Variants in PLXNA1 observed in about 807,000 individuals in gnomAD.
PLXNA1 encodes plexin-A1.
A neutral mutation model predicts 191.7 loss-of-function variants in PLXNA1; 77 were observed. That is an observed-to-expected ratio of 0.40 (90% CI 0.33 to 0.49). The LOEUF (loss-of-function observed/expected upper bound fraction) is 0.49, where lower values mean the gene tolerates loss of function less well. Ranked by LOEUF, PLXNA1 falls within the 20% of genes least tolerant of loss-of-function variation. The pLI is 0.63. For synonymous variants in PLXNA1, 1,137 were observed against 1,156.4 expected, an observed-to-expected ratio of 0.98 and a Z score of 0.34; for missense variants, 2,110 against 2,660.2, an observed-to-expected ratio of 0.79 and a Z score of 4.55.
At chr3:127,007,759 T>C in intron 8 of PLXNA1, 40 bp from the exon 9 acceptor site, 1 of 1,361,442 alleles carries the variant, frequency 7.3e-7, no homozygotes, top group Non-Finnish European at 1.0e-6. Context: ...TCCACGTGGT[T>C]GCGGGTCCCC....
chr3:127,009,998 G>A (rs951814865), intron 9 of PLXNA1, among the ~76,000 whole-genome samples: 15 of 152,222 alleles, frequency 9.9e-5, no homozygotes, highest in Admixed American at 1.3e-4. Context: ...TGCATGCCCC[G>A]CCAGTCAGCT....
At chr3:127,011,867 C>T in intron 9 of PLXNA1, 91 bp from the exon 10 acceptor site, 2 of 1,240,564 alleles carry the variant, frequency 1.6e-6, no homozygotes, top group Non-Finnish European at 2.3e-6. Flanking sequence ...CTGGGAGCAC[C>T]ACAGGCCCAG....
At chr3:127,017,689 G>T in intron 18 of PLXNA1, 25 bp downstream of exon 18, 1 of 1,613,108 alleles carries the variant, frequency 6.2e-7, no homozygotes, top group African/African-American at 1.3e-5. Flanking sequence ...CCCGTAGGCT[G>T]GGCCAAGCCA....
At chr3:127,001,669 C>A (rs1319637960) in intron 3 of PLXNA1, among the ~76,000 whole-genome samples, 1 of 152,274 alleles carries the variant, frequency 6.6e-6, no homozygotes, top group Non-Finnish European at 1.5e-5. Flanking sequence ...CTTCCTTCCC[C>A]CACTCCCTGG....
At chr3:127,004,074 C>G (rs2079053716) in intron 4 of PLXNA1, among the ~76,000 whole-genome samples, 1 of 152,348 alleles carries the variant, frequency 6.6e-6, no homozygotes, top group East Asian at 1.9e-4. Flanking sequence ...CAGCTGAGGC[C>G]AAGCCTCCCT....
intron 3 of PLXNA1, among the ~76,000 whole-genome samples, chr3:127,002,244 G>C (rs924418497): frequency 6.6e-6 from 1 of 152,232 alleles, no homozygotes; most frequent in Non-Finnish European, 1.5e-5. Context: ...CCACTCTTCC[G>C]GGTCTGGTTT....
At chr3:127,015,372 G>T (rs756763062) in intron 15 of PLXNA1, 52 bp downstream of exon 15, 4 of 1,571,080 alleles carry the variant, frequency 2.5e-6, no homozygotes, top group Non-Finnish European at 3.4e-6. Flanking sequence ...TCCTGTTTCA[G>T]ATGGTTGCAT....
chr3:127,014,151 G>A lies in PLXNA1; in HGVS notation c.2411-31G>A, dbSNP rs368051825. 3.3e-4 allele frequency: 531 copies of A among 1,612,762 alleles called. 2 individuals carry two copies. Among genetic ancestry groups the A allele is most frequent in the Non-Finnish European group, 2.8e-4 (326 of 1,179,556 alleles). ...CGCCCCGGCGGGGTGGGCAGTGGGCGGGCCCGAGCTGACCGCACCCCTCCC... is the reference window on the plus strand; with the variant it reads ...CGCCCCGGCGGGGTGGGCAGTGGGCAGGCCCGAGCTGACCGCACCCCTCCC... On this transcript the variant is annotated intron_variant, in intron 11 of 31. Transcript: ENST00000393409.
intron 7 of PLXNA1, among the ~76,000 whole-genome samples, chr3:127,005,464 A>G (rs1485957631): frequency 2.6e-5 from 4 of 152,220 alleles, no homozygotes; most frequent in Admixed American, 2.6e-4. Context: ...GGAGGTGGAC[A>G]GCGGATACAT....
intron 23 of PLXNA1, among the ~76,000 whole-genome samples, chr3:127,025,234 TC>T (rs1215033215): frequency 2.6e-5 from 4 of 152,086 alleles, no homozygotes; most frequent in African/African-American, 9.7e-5. Flanking sequence ...CATCTCTCCC[TC>T]CCCCTGAGCC....
At chr3:127,025,978 C>A (rs1407119894) in intron 23 of PLXNA1, among the ~76,000 whole-genome samples, 2 of 152,184 alleles carry the variant, frequency 1.3e-5, no homozygotes, top group African/African-American at 4.8e-5. Context: ...ATGTAAACAA[C>A]CTGGAAGGGA....
Position 126,988,641 on chromosome 3 carries a change from G to A in PLXNA1, c.48G>A (p.Leu16=), listed in dbSNP as rs1250522603. ...RSLQVLLLLL[L]LLLLLPGMWA... ...TGCAGGTGCTCCTGCTGCTGCTGCT[G>A]TTGCTGCTGCTGCTGCCGGGCATGT... Residue 16 remains leucine (L), a synonymous_variant, in exon 2 of 32, where the codon CTG becomes CTA. Transcript: ENST00000393409. 6.3e-7 allele frequency: 1 copy of A among 1,577,040 alleles called. No individual in the cohort carries two copies. Among genetic ancestry groups the A allele is most frequent in the African/African-American group, 1.3e-5 (1 of 74,196 alleles).
intron 3 of PLXNA1, among the ~76,000 whole-genome samples, chr3:126,998,437 G>A (rs1044423395): frequency 1.3e-5 from 2 of 152,174 alleles, no homozygotes; most frequent in African/African-American, 2.4e-5. Context: ...CACAGGACCC[G>A]TGCTGGTGAC....
chr3:126,989,757 G>A lies in PLXNA1; in HGVS notation c.1164G>A (p.Leu388=). ...RGEGKLSLPW[L]LNKELGCINS... is the part of the protein sequence containing the mutation. ...AGGGCAAGCTCTCCCTGCCGTGGCT[G>A]CTCAACAAGGAGCTGGGCTGCATCA... The change falls in exon 2 of 32, where the codon CTG becomes CTA. Residue 388 remains leucine (L), a synonymous_variant. Coordinates refer to ENST00000393409, the MANE Select transcript of PLXNA1 (RefSeq NM_032242.4). 3 of 1,611,312 alleles carry A rather than the reference G, an allele frequency of 1.9e-6. No homozygotes were observed. Among genetic ancestry groups the A allele is most frequent in the Non-Finnish European group, 2.5e-6 (3 of 1,178,976 alleles).
At chr3:126,998,876 C>T (rs777397086) in intron 3 of PLXNA1, among the ~76,000 whole-genome samples, 16 of 152,158 alleles carry the variant, frequency 1.1e-4, no homozygotes, top group Non-Finnish European at 1.5e-4. Context: ...CTCTCTCCCC[C>T]GACAGGTGTG....
Position 127,014,425 on chromosome 3 carries a change from C to T in PLXNA1, c.2604+50C>T, listed in dbSNP as rs370813213. The T allele has an allele frequency of 2.7e-5, 43 of 1,576,020 alleles. No homozygotes were observed. In the Middle Eastern group the frequency reaches 5.0e-4, roughly 18 times the overall value. ...CACCCCATGCCCCGCCCTGCACCAC[C>T]GCACACCCTACGCCCTGTGGGATGC... On this transcript the variant is annotated intron_variant, in intron 12 of 31. Transcript: ENST00000393409.
In PLXNA1 at chr3:127,003,574, G is replaced by A. The variant is rs561027270; in HGVS notation, c.1518+104G>A. ...GGTGGGGCCACATCACAAGTTGGGC[G>A]TCCATGGCTCCTGGTAAAAGTAGTT... On this transcript the variant is annotated intron_variant, in intron 4 of 31. Transcript: ENST00000393409. The A allele has an allele frequency of 8.3e-5, 108 of 1,300,190 alleles. 1 individual carries two copies. In the South Asian group the frequency reaches 8.5e-4, roughly 10 times the overall value. The allele number at this position is 1,300,190 out of a possible 1,614,324, so 80.5% of individuals were successfully genotyped here. A position where few individuals can be genotyped will look rare whatever the true frequency, so the allele number is the denominator to read the frequency against.
At chr3:127,001,970 G>A (rs547129830) in intron 3 of PLXNA1, among the ~76,000 whole-genome samples, 7 of 152,334 alleles carry the variant, frequency 4.6e-5, no homozygotes, top group African/African-American at 7.2e-5. Context: ...AGCGTCCGTC[G>A]GGCAGGCCTT....
chr3:127,017,857 G>A lies in PLXNA1; in HGVS notation c.3625G>A (p.Glu1209Lys), dbSNP rs753152143. ...CGTGTCGGAGACGCAACTGCTGTGC[G>A]AGGCGCCCAACCTCACTGGGCAGCA... ...LTVSETQLLC[E>K]APNLTGQHKV... The change falls in exon 19 of 32, where the codon GAG (glutamate) becomes AAG (lysine). Residue 1209 changes from glutamate (E) to lysine (K), a missense_variant. Around this residue, in one of 4 missense-constraint regions of PLXNA1, gnomAD observed 644 missense variants for 714.3 expected, o/e 0.90. Transcript: ENST00000393409. 16 of 1,612,604 alleles carry A rather than the reference G, an allele frequency of 9.9e-6. No individual in the cohort carries two copies. Among genetic ancestry groups the A allele is most frequent in the Middle Eastern group, 1.6e-4 (1 of 6,084 alleles).
Sources: gnomAD v4.1 joint callset for allele counts (sites outside exome capture counted in the v4.1 genomes callset) on GRCh38, gnomAD v4.1.1 for gene constraint, gnomAD v4.1.1 regional missense constraint, MANE v1.5 for transcripts, NCBI Gene and HGNC (gene_info 2026-07-23, HGNC 2026-07-21) for gene names.